The following SLC16A12 variants were observed in gnomAD, a reference collection of about 807,000 sequenced individuals.
The protein encoded by SLC16A12 is monocarboxylate transporter 12.
A neutral mutation model predicts 42.4 loss-of-function variants in SLC16A12; 17 were observed. The observed-to-expected ratio is 0.40, with a 90% CI of 0.27 to 0.60. SLC16A12 has a LOEUF of 0.60. Ranked by LOEUF, SLC16A12 falls within the 20% of genes least tolerant of loss-of-function variation. The pLI, the probability that SLC16A12 is intolerant of heterozygous loss-of-function variation, is 0.42. For synonymous variants in SLC16A12, 224 were observed against 229.4 expected, an observed-to-expected ratio of 0.98 and a Z score of 0.21; for missense variants, 544 against 623.0, an observed-to-expected ratio of 0.87 and a Z score of 1.35.
chr10:89,473,860 C>T (rs1842538601), intron 2 of SLC16A12, among the ~76,000 whole-genome samples: 1 of 152,158 alleles, frequency 6.6e-6, no homozygotes, highest in Non-Finnish European at 1.5e-5. Context: ...TGTCCTCAGC[C>T]ATAATCTGTT....
chr10:89,496,148 G>T (rs1056624469), intron 2 of SLC16A12, among the ~76,000 whole-genome samples: 1 of 151,836 alleles, frequency 6.6e-6, no homozygotes, highest in South Asian at 2.1e-4. Flanking sequence ...GGAAGAGAAA[G>T]AAATAAATTC....
chr10:89,431,994 A>T lies in SLC16A12; in HGVS notation c.*1070T>A, dbSNP rs983231164. On this transcript the variant is annotated 3_prime_UTR_variant, in exon 8 of 8. Coordinates refer to ENST00000371790, the MANE Select transcript of SLC16A12 (RefSeq NM_213606.4). ...ATCTCTAGGATAATATTTTTCAGAC[A>T]ACTGACTCCCTCCAATCCTCTTTTG... 6 of 152,528 alleles carry T rather than the reference A, an allele frequency of 3.9e-5. No individual in the cohort carries two copies. The highest frequency in any genetic ancestry group is 1.3e-4 in the Admixed American group (2 of 15,286). 9.4% of individuals were successfully genotyped at this position (152,528 alleles called of 1,614,324 possible). A position where few individuals can be genotyped will look rare whatever the true frequency, so the allele number is the denominator to read the frequency against.
chr10:89,530,571 C>T (rs572704223), intron 2 of SLC16A12, among the ~76,000 whole-genome samples: 4 of 152,184 alleles, frequency 2.6e-5, no homozygotes, highest in Admixed American at 6.5e-5. Flanking sequence ...GCGCCTACCA[C>T]CACGCCCGGC....
intron 2 of SLC16A12, among the ~76,000 whole-genome samples, chr10:89,508,293 C>T (rs756248658): frequency 6.6e-6 from 1 of 152,212 alleles, no homozygotes; most frequent in Non-Finnish European, 1.5e-5. Context: ...AGCACCACAT[C>T]ACACTTATTC....
At chr10:89,548,873 G>T (rs1209023737) in intron 2 of SLC16A12, among the ~76,000 whole-genome samples, 1 of 152,184 alleles carries the variant, frequency 6.6e-6, no homozygotes, top group Non-Finnish European at 1.5e-5. Context: ...CACAGGAATT[G>T]CACAAGTGTG....
intron 2 of SLC16A12, chr10:89,462,896 G>A (rs1204031193): frequency 3.5e-6 from 1 of 283,986 alleles, no homozygotes; most frequent in Non-Finnish European, 6.6e-6. Context: ...TGGCAATAAA[G>A]TGTAGTCTCC....
Position 89,443,740 on chromosome 10 carries a change from A to G in SLC16A12, c.304+16T>C, listed in dbSNP as rs749353807. On this transcript the variant is annotated intron_variant, in intron 4 of 7. Coordinates refer to ENST00000371790, the MANE Select transcript of SLC16A12 (RefSeq NM_213606.4). ...AGAGTGGCCAGTAATTCCCTATCCTAGTAAGTAATACTCACCACAGAGCAT... is the reference window on the plus strand; with the variant it reads ...AGAGTGGCCAGTAATTCCCTATCCTGGTAAGTAATACTCACCACAGAGCAT... 1.3e-6 allele frequency: 2 copies of G among 1,562,946 alleles called. No homozygotes were observed. Among genetic ancestry groups the G allele is most frequent in the South Asian group, 1.1e-5 (1 of 90,018 alleles).
intron 5 of SLC16A12, 95 bp from the exon 6 acceptor site, chr10:89,439,278 C>T (rs1216878582): frequency 7.8e-7 from 1 of 1,274,106 alleles, no homozygotes; most frequent in Non-Finnish European, 1.1e-6. Flanking sequence ...AATCTGACCT[C>T]TCATTAAACC....
At chr10:89,548,276 T>C (rs1843752434) in intron 2 of SLC16A12, among the ~76,000 whole-genome samples, 1 of 152,060 alleles carries the variant, frequency 6.6e-6, no homozygotes, top group Non-Finnish European at 1.5e-5. Flanking sequence ...AGGATGGTGA[T>C]CATTAACAGA....
intron 3 of SLC16A12, among the ~76,000 whole-genome samples, chr10:89,452,665 G>A (rs1842113377): frequency 6.6e-6 from 1 of 152,164 alleles, no homozygotes; most frequent in Non-Finnish European, 1.5e-5. Context: ...GAACAGTGTG[G>A]TGAGCTAAAT....
At chr10:89,495,477 G>A (rs1842910621) in intron 2 of SLC16A12, among the ~76,000 whole-genome samples, 1 of 152,174 alleles carries the variant, frequency 6.6e-6, no homozygotes, top group East Asian at 1.9e-4. Flanking sequence ...ATTAACCCTT[G>A]GGAGTGTTAC....
chr10:89,545,476 A>G lies in SLC16A12; in HGVS notation c.-47+10406T>C, dbSNP rs190059457. On this transcript the variant is annotated intron_variant, in intron 2 of 2. Coordinates refer to the SLC16A12 transcript ENST00000475682. ...ATGAACTCCCATTCACAATTGCTAC[A>G]AAGAGAATAAAATACCTAGGAATAT... 3.4e-3 allele frequency among the ~76,000 whole-genome samples: 511 copies of G among 152,320 alleles called. 5 individuals carry two copies. The highest frequency in any genetic ancestry group is 0.011 in the African/African-American group (475 of 41,574).
At chr10:89,471,834 T>C (rs2133769017) in intron 2 of SLC16A12, among the ~76,000 whole-genome samples, 1 of 152,340 alleles carries the variant, frequency 6.6e-6, no homozygotes, top group South Asian at 2.1e-4. Context: ...TGATATCAAA[T>C]GGTATCTCAT....
intron 2 of SLC16A12, among the ~76,000 whole-genome samples, chr10:89,481,176 TA>T (rs376841100): frequency 6.6e-6 from 1 of 152,102 alleles, no homozygotes; most frequent in African/African-American, 2.4e-5. Context: ...TACATATGCA[TA>T]AGGACAAAAT....
chr10:89,446,232 A>G (rs1001126853), intron 3 of SLC16A12, among the ~76,000 whole-genome samples: 3 of 152,208 alleles, frequency 2.0e-5, no homozygotes, highest in African/African-American at 7.2e-5. Context: ...GCAGGCCAAC[A>G]TTCAAATTCA....
intron 2 of SLC16A12, among the ~76,000 whole-genome samples, chr10:89,508,937 C>T (rs528205538): frequency 1.3e-5 from 2 of 152,206 alleles, no homozygotes; most frequent in East Asian, 3.9e-4. Flanking sequence ...CACAGAAATA[C>T]AAACTACCAT....
At chr10:89,554,111 G>GGAAGGAAGGAAGGAAA (rs1843792702) in intron 2 of SLC16A12, among the ~76,000 whole-genome samples, 1 of 136,572 alleles carries the variant, frequency 7.3e-6, no homozygotes. Flanking sequence ...AAGGAAGGAA[G>GGAAGGAAGGAAGGAAA]GAAGGAAGGA....
At chr10:89,513,206 T>C (rs1360200526) in intron 2 of SLC16A12, among the ~76,000 whole-genome samples, 1 of 152,244 alleles carries the variant, frequency 6.6e-6, no homozygotes, top group Non-Finnish European at 1.5e-5. Context: ...TCATTTAATC[T>C]ATATTGCTCT....
Position 89,433,103 on chromosome 10 carries a change from C to T in SLC16A12, c.1512G>A (p.Glu504=). Residue 504 remains glutamate, a synonymous_variant, in exon 8 of 8, where the codon GAG becomes GAA. Transcript: ENST00000371790. The stretch of plus-strand genomic sequence containing the variant: ...AGCCAGGCACTGCTGTAGCCACAGG[C>T]TCCCCATGTTTCTGATCTAATTCTC... The part of the protein sequence containing the change: ...VARELDQKHG[E]PVATAVPGYS... 1 of 1,614,178 alleles carries T rather than the reference C, an allele frequency of 6.2e-7. No individual in the cohort carries two copies. Among genetic ancestry groups the T allele is most frequent in the Non-Finnish European group, 8.5e-7 (1 of 1,180,022 alleles).
Sources: gnomAD v4.1 joint callset for allele counts (sites outside exome capture counted in the v4.1 genomes callset) on GRCh38, gnomAD v4.1.1 for gene constraint, MANE v1.5 for transcripts, NCBI Gene and HGNC (gene_info 2026-07-23, HGNC 2026-07-21) for gene names.